The following ERMP1 variants were observed in gnomAD, a reference collection of about 807,000 sequenced individuals.
ERMP1 encodes endoplasmic reticulum metallopeptidase 1.
A neutral mutation model predicts 92.0 loss-of-function variants in ERMP1; 86 were observed. That is an observed-to-expected ratio of 0.93 (90% CI 0.79 to 1.12). The LOEUF is 1.12. Ranked by LOEUF, ERMP1 falls within the 50% of genes most tolerant of loss-of-function variation. The pLI is 0.00. For synonymous variants in ERMP1, 530 were observed against 412.8 expected, an observed-to-expected ratio of 1.28 and a Z score of -3.44; for missense variants, 1,342 against 1,116.3, an observed-to-expected ratio of 1.20 and a Z score of -2.88.
At chr9:5,860,754 A>T (rs920805638) in intron 5 of ERMP1, among the ~76,000 whole-genome samples, 2 of 150,268 alleles carry the variant, frequency 1.3e-5, no homozygotes, top group East Asian at 1.9e-4. Context: ...TGGCCTCATT[A>T]AAAAAAAACT....
intron 6 of ERMP1, among the ~76,000 whole-genome samples, chr9:5,852,659 T>C (rs1830324293): frequency 2.2e-5 from 3 of 137,670 alleles, no homozygotes. Context: ...GAATGTTCAT[T>C]AAAAAAAAAA....
chr9:5,803,034 A>AAAAC (rs143822704), intron 10 of ERMP1, among the ~76,000 whole-genome samples: 34 of 151,602 alleles, frequency 2.2e-4, no homozygotes, highest in South Asian at 6.3e-4. Flanking sequence ...CTCTGTCTCA[A>AAAAC]AAACAAACAA....
At chr9:5,792,860 T>G (rs1056361582) in intron 13 of ERMP1, among the ~76,000 whole-genome samples, 4 of 152,122 alleles carry the variant, frequency 2.6e-5, no homozygotes, top group African/African-American at 9.7e-5. Flanking sequence ...TAGAACAATA[T>G]ACAATGCTCA....
At chr9:5,844,696 T>C (rs565076484) in intron 6 of ERMP1, among the ~76,000 whole-genome samples, 1 of 152,318 alleles carries the variant, frequency 6.6e-6, no homozygotes, top group Admixed American at 6.5e-5. Context: ...GGAAGAAGCC[T>C]GGGCATACCT....
At chr9:5,829,283 G>A (rs367878965) in intron 2 of ERMP1, among the ~76,000 whole-genome samples, 1 of 151,604 alleles carries the variant, frequency 6.6e-6, no homozygotes, top group East Asian at 1.9e-4. Flanking sequence ...GGTACTTCTG[G>A]CTTATTTAAC....
chr9:5,838,093 G>A (rs953386203), upstream of ERMP1, among the ~76,000 whole-genome samples: 1 of 151,642 alleles, frequency 6.6e-6, no homozygotes, highest in Non-Finnish European at 1.5e-5. Flanking sequence ...ACGAGACTGT[G>A]TCTCCAAAAA....
intron 5 of ERMP1, among the ~76,000 whole-genome samples, chr9:5,861,199 G>GTGTA (rs1554630235): frequency 5.5e-5 from 8 of 146,658 alleles, no homozygotes; most frequent in African/African-American, 1.6e-4. Flanking sequence ...GTGTGTGTGT[G>GTGTA]TGTGTGTGTG....
At chr9:5,862,056 G>C (rs542420590) in intron 5 of ERMP1, among the ~76,000 whole-genome samples, 3 of 151,668 alleles carry the variant, frequency 2.0e-5, no homozygotes, top group Admixed American at 6.6e-5. Context: ...TTGAGACAGG[G>C]TCTCCTTCTG....
At chr9:5,859,327 G>T (rs1242172131) in intron 6 of ERMP1, among the ~76,000 whole-genome samples, 1 of 152,064 alleles carries the variant, frequency 6.6e-6, no homozygotes, top group Non-Finnish European at 1.5e-5. Flanking sequence ...ACCTTTCAAA[G>T]CACTTCCCCA....
At chr9:5,838,341 A>C (rs957518352) in intron 6 of ERMP1, among the ~76,000 whole-genome samples, 2 of 152,052 alleles carry the variant, frequency 1.3e-5, no homozygotes, top group Non-Finnish European at 2.9e-5. Context: ...CAGGAGTTTG[A>C]GACCAGCCTG....
chr9:5,824,468 T>A (rs1267828440), intron 3 of ERMP1, among the ~76,000 whole-genome samples: 2 of 152,054 alleles, frequency 1.3e-5, no homozygotes, highest in Non-Finnish European at 2.9e-5. Context: ...AATGGCTCGA[T>A]CTCGGATCAC....
intron 4 of ERMP1, among the ~76,000 whole-genome samples, chr9:5,816,043 T>C (rs1829293049): frequency 6.6e-6 from 1 of 152,154 alleles, no homozygotes; most frequent in South Asian, 2.1e-4. Context: ...CTTAGGATAA[T>C]AGTTCCTCTT....
intron 8 of ERMP1, among the ~76,000 whole-genome samples, chr9:5,806,208 C>G (rs1406952265): frequency 1.3e-5 from 2 of 152,148 alleles, no homozygotes; most frequent in Non-Finnish European, 2.9e-5. Context: ...CACCAATAAC[C>G]CACATCTGGA....
chr9:5,832,658 C>A (rs1249194129), intron 1 of ERMP1, 32 bp downstream of exon 1: 8 of 1,367,932 alleles, frequency 5.8e-6, no homozygotes, highest in Non-Finnish European at 7.5e-6. Context: ...CAAACGGACG[C>A]GCGGGCCGTG....
chr9:5,812,475 T>C (rs963243183), intron 5 of ERMP1, among the ~76,000 whole-genome samples: 2 of 152,194 alleles, frequency 1.3e-5, no homozygotes, highest in Admixed American at 6.5e-5. Context: ...ACAGCAAGGA[T>C]AGGAATATTG....
chr9:5,834,571 A>G (rs537878039), upstream of ERMP1, among the ~76,000 whole-genome samples: 2 of 152,362 alleles, frequency 1.3e-5, no homozygotes, highest in South Asian at 4.1e-4. Context: ...TTTTAGCTCT[A>G]CAAGATCCCT....
intron 4 of ERMP1, 88 bp from the exon 5 acceptor site, chr9:5,813,123 A>C (rs1369046414): frequency 6.9e-7 from 1 of 1,458,268 alleles, no homozygotes; most frequent in African/African-American, 1.4e-5. Context: ...AAAACAGTAA[A>C]AGTGGTGGTT....
At chr9:5,802,047 G>C (rs1276655240) in intron 10 of ERMP1, among the ~76,000 whole-genome samples, 1 of 152,210 alleles carries the variant, frequency 6.6e-6, no homozygotes, top group Admixed American at 6.5e-5. Context: ...TACAGGGTCT[G>C]AAGAAGCCAT....
chr9:5,830,960 G>C lies in ERMP1; in HGVS notation c.407C>G (p.Thr136Ser). 1.2e-6 allele frequency: 2 copies of C among 1,614,056 alleles called. No homozygotes were observed. Among genetic ancestry groups the C allele is most frequent in the Non-Finnish European group, 1.7e-6 (2 of 1,179,940 alleles). ...TTGSPENEIL[T>S]VHYLLEQIKL... Reference sequence around the variant, plus strand: ...AATCTGTTCCAAAAGGTAGTGCACGGTCAGAATTTCATTTTCTGGACTTCC... The same window carrying C: ...AATCTGTTCCAAAAGGTAGTGCACGCTCAGAATTTCATTTTCTGGACTTCC... The change falls in exon 2 of 15, where the codon ACC (threonine) becomes AGC (serine). Residue 136 changes from threonine to serine, a missense_variant. Thr to Ser is a moderately conservative substitution (Grantham distance 58). Coordinates refer to ENST00000339450, the MANE Select transcript of ERMP1 (RefSeq NM_024896.3).
Sources: allele counts gnomAD v4.1 joint callset (sites outside exome capture counted in the v4.1 genomes callset), GRCh38; gene constraint gnomAD v4.1.1; transcripts MANE v1.5; gene names NCBI Gene and HGNC (gene_info 2026-07-23, HGNC 2026-07-21).